Variants in ZNF529 observed in about 807,000 individuals in gnomAD.
ZNF529 encodes the protein zinc finger protein 529.
A neutral mutation model predicts 10.1 loss-of-function variants in ZNF529; 11 were observed. The ratio of observed to expected loss-of-function variants is 1.09; its 90% CI spans 0.69 to 1.81. The LOEUF (loss-of-function observed/expected upper bound fraction) is 1.81, where lower values mean the gene tolerates loss of function less well. Among genes scored for constraint, ZNF529 ranks in the 40% most tolerant of loss-of-function variants. The pLI is 0.00. For missense variants in ZNF529, 624 were observed against 666.8 expected (o/e 0.94, Z 0.71); for synonymous variants, 204 against 215.7 (o/e 0.95, Z 0.47).
chr19:36,599,995 A>G (rs146932286), intron 1 of ZNF529, among the ~76,000 whole-genome samples: 362 of 152,022 alleles, frequency 2.4e-3, no homozygotes, highest in African/African-American at 8.6e-3. Context: ...CAGCCTCCCG[A>G]GTAGCTGGGA....
intron 2 of ZNF529, among the ~76,000 whole-genome samples, chr19:36,569,730 C>T (rs1037749135): frequency 6.6e-6 from 1 of 152,152 alleles, no homozygotes; most frequent in Non-Finnish European, 1.5e-5. Flanking sequence ...GATCACACAA[C>T]TGCACTCCAG....
intron 2 of ZNF529, among the ~76,000 whole-genome samples, chr19:36,585,836 G>A (rs946469700): frequency 2.0e-5 from 3 of 152,202 alleles, no homozygotes; most frequent in Non-Finnish European, 2.9e-5. Context: ...GATGGTTAAC[G>A]ATACTTAACA....
intron 2 of ZNF529, among the ~76,000 whole-genome samples, chr19:36,583,486 GA>G (rs987667821): frequency 1.1e-4 from 17 of 151,836 alleles, no homozygotes; most frequent in Non-Finnish European, 2.9e-5. Context: ...CAGGGCACAT[GA>G]AAAACCCTTA....
chr19:36,604,133 T>C (rs1021264315), intron 1 of ZNF529, among the ~76,000 whole-genome samples: 2 of 152,110 alleles, frequency 1.3e-5, no homozygotes, highest in Non-Finnish European at 2.9e-5. Context: ...TGAGCCGAGA[T>C]TGCGCCACTG....
intron 2 of ZNF529, among the ~76,000 whole-genome samples, chr19:36,568,313 T>C (rs2967440): frequency 0.69 from 104,765 of 151,466 alleles, 36,623 homozygotes; most frequent in African/African-American, 0.79. Context: ...TTACTTGTGC[T>C]CTTACTCCAT....
intron 2 of ZNF529, among the ~76,000 whole-genome samples, chr19:36,559,467 C>A (rs1353949598): frequency 2.6e-5 from 4 of 152,198 alleles, no homozygotes; most frequent in Admixed American, 6.5e-5. Flanking sequence ...TGGCACCATG[C>A]CCAGCTAAGT....
chr19:36,575,867 G>C (rs1357341020), upstream of ZNF529, among the ~76,000 whole-genome samples: 1 of 150,500 alleles, frequency 6.6e-6, no homozygotes, highest in Non-Finnish European at 1.5e-5. Context: ...TGTTTGTTTT[G>C]AGATGGAGTC....
chr19:36,555,950 A>C (rs2035452706), intron 3 of ZNF529, among the ~76,000 whole-genome samples, 154 bp downstream of exon 3: 1 of 152,230 alleles, frequency 6.6e-6, no homozygotes, highest in Non-Finnish European at 1.5e-5. Context: ...TGGGGAATAG[A>C]GGCACACAGG....
At chr19:36,571,520 C>A (rs971373297) in intron 2 of ZNF529, among the ~76,000 whole-genome samples, 1 of 151,618 alleles carries the variant, frequency 6.6e-6, no homozygotes, top group Non-Finnish European at 1.5e-5. Flanking sequence ...ACTAAAAATT[C>A]AAAAATTAGC....
At chr19:36,556,973 G>A (rs190755708) in intron 2 of ZNF529, among the ~76,000 whole-genome samples, 138 of 152,292 alleles carry the variant, frequency 9.1e-4, no homozygotes, top group African/African-American at 3.1e-3. Flanking sequence ...TTATACTGTA[G>A]GGTGGCTTGT....
intron 2 of ZNF529, among the ~76,000 whole-genome samples, chr19:36,557,220 T>C (rs957729618): frequency 1.3e-5 from 2 of 152,158 alleles, no homozygotes; most frequent in African/African-American, 4.8e-5. Flanking sequence ...TCTAACGCTG[T>C]CTGTAAAAGT....
At chr19:36,594,022 A>G (rs1214270519) in intron 1 of ZNF529, 2 of 152,176 alleles carry the variant, frequency 1.3e-5, no homozygotes, top group East Asian at 3.9e-4. Context: ...TCATAATCTA[A>G]AAGTAGGGTC....
At chr19:36,556,024 C>A (rs2035457384) in intron 3 of ZNF529, 80 bp downstream of exon 3, 1 of 1,423,404 alleles carries the variant, frequency 7.0e-7, no homozygotes, top group Admixed American at 2.0e-5. Context: ...GGTTGTGGTA[C>A]AGGTTCTTTG....
chr19:36,556,412 C>CA (rs2035476588), intron 2 of ZNF529, among the ~76,000 whole-genome samples: 1 of 152,186 alleles, frequency 6.6e-6, no homozygotes, highest in Non-Finnish European at 1.5e-5. Flanking sequence ...TAGCCAAGGG[C>CA]ATGGGGCTTC....
intron 2 of ZNF529, among the ~76,000 whole-genome samples, chr19:36,583,680 G>GA (rs1000027576): frequency 2.0e-5 from 3 of 151,758 alleles, no homozygotes; most frequent in African/African-American, 4.8e-5. Context: ...GTTTTAAATG[G>GA]AAAAAAACTC....
At chr19:36,570,375 AAAAAAAG>A (rs2036058186) in intron 2 of ZNF529, among the ~76,000 whole-genome samples, 3 of 151,378 alleles carry the variant, frequency 2.0e-5, no homozygotes, top group African/African-American at 7.3e-5. Context: ...AAAAAAAAAA[AAAAAAAG>A]AAAAGAAAAA....
intron 2 of ZNF529, among the ~76,000 whole-genome samples, chr19:36,561,110 C>T (rs1021109161): frequency 1.8e-4 from 28 of 152,238 alleles, no homozygotes; most frequent in African/African-American, 6.7e-4. Context: ...GCCCACAGTG[C>T]GAGGGCCTTG....
chr19:36,547,278 C>A lies in ZNF529; in HGVS notation c.1280G>T (p.Cys427Phe). The A allele has an allele frequency of 6.2e-7, 1 of 1,613,716 alleles. No homozygotes were observed. The highest frequency in any genetic ancestry group is 8.5e-7 in the Non-Finnish European group (1 of 1,179,780). The change falls in exon 5 of 5, where the codon TGT becomes TTT. Residue 427 changes from cysteine (C) to phenylalanine (F), a missense_variant. Physicochemically the swap from Cys to Phe is radical, Grantham distance 205 (BLOSUM62 -2). Coordinates refer to ENST00000591340, the MANE Select transcript of ZNF529 (RefSeq NM_020951.5). ...TGEKPYKCKECEKAFGVGSEL... is the reference protein window; with the variant it reads ...TGEKPYKCKEFEKAFGVGSEL... ...ACTACCTACTCCAAATGCTTTCTCA[C>A]ATTCTTTACATTTATAGGGTTTTTC...
chr19:36,557,977 CAG>C (rs1477142309), intron 2 of ZNF529, among the ~76,000 whole-genome samples: 3 of 151,460 alleles, frequency 2.0e-5, no homozygotes, highest in African/African-American at 7.3e-5. Context: ...AGAATATCAA[CAG>C]AGATAAAAAT....
Sources: gnomAD v4.1 joint callset for allele counts (sites outside exome capture counted in the v4.1 genomes callset) on GRCh38, gnomAD v4.1.1 for gene constraint, MANE v1.5 for transcripts, NCBI Gene and HGNC (gene_info 2026-07-23, HGNC 2026-07-21) for gene names.